ARHGEF4: variants seen among roughly 807,000 people sequenced by gnomAD.
The protein encoded by ARHGEF4 is Rho guanine nucleotide exchange factor 4.
A neutral mutation model predicts 162.0 loss-of-function variants in ARHGEF4; 119 were observed. That is an observed-to-expected ratio of 0.73 (90% CI 0.63 to 0.86). The LOEUF is 0.86. Among genes scored for constraint, ARHGEF4 ranks in the 40% least tolerant of loss-of-function variants. The pLI is 0.00. For synonymous variants in ARHGEF4, 1,014 were observed against 979.9 expected (o/e 1.03, Z -0.65); for missense variants, 2,488 against 2,456.0 (o/e 1.01, Z -0.28).
In ARHGEF4 at chr2:131,029,923, G is replaced by A. The variant is rs142024827; in HGVS notation, c.4125+1839G>A. Among the ~76,000 whole-genome samples, 37 of 152,334 alleles carry A rather than the reference G, an allele frequency of 2.4e-4. No individual in the cohort carries two copies. The East Asian group carries it at 7.0e-3, about 29-fold the overall frequency. Reference sequence around the variant, plus strand: ...GGGCTCGGTCCAGCAGGGGGACCCCGAGGGGGCCTGTCAGATGTGGGGCAT... The same window carrying A: ...GGGCTCGGTCCAGCAGGGGGACCCCAAGGGGGCCTGTCAGATGTGGGGCAT... On this transcript the variant is annotated intron_variant, in intron 5 of 13. Transcript: ENST00000409359.
In ARHGEF4 at chr2:130,899,298, G is replaced by A. The variant is rs962976712; in HGVS notation, c.40-14688G>A. 3.9e-5 allele frequency among the ~76,000 whole-genome samples: 6 copies of A among 152,196 alleles called. No homozygotes were observed. In the South Asian group the frequency reaches 6.2e-4, roughly 16 times the overall value. On this transcript the variant is annotated intron_variant, in intron 1 of 13. Coordinates refer to ENST00000409359, the MANE Select transcript of ARHGEF4 (RefSeq NM_001367493.1). ...CCCACCTCAGTGCCCGTGCCTTCAA[G>A]GATCATGGGGGAATGATAATTGATC...
chr2:130,976,677 T>C (rs1009259360), intron 4 of ARHGEF4, among the ~76,000 whole-genome samples: 1 of 152,026 alleles, frequency 6.6e-6, no homozygotes, highest in African/African-American at 2.4e-5. Context: ...ACTCGACGTG[T>C]AGGATGTGGT....
intron 10 of ARHGEF4, among the ~76,000 whole-genome samples, chr2:131,043,077 T>C (rs1179539995): frequency 2.0e-5 from 3 of 152,054 alleles, no homozygotes; most frequent in African/African-American, 7.3e-5. Flanking sequence ...TAATAATGTT[T>C]CATTTAACTC....
Position 131,046,240 on chromosome 2 carries a change from A to C in ARHGEF4, c.*51A>C, listed in dbSNP as rs756474251. ...CTGGGCCTTCCTGCCAGTGGCCCCC[A>C]GTTTTTCTTCCCCGAGGCCCACTCG... On this transcript the variant is annotated 3_prime_UTR_variant, in exon 14 of 14. Transcript: ENST00000409359. The C allele has an allele frequency of 2.2e-4, 340 of 1,558,488 alleles. 2 individuals carry two copies. The highest frequency in any genetic ancestry group is 3.1e-4 in the Admixed American group (17 of 55,616).
intron 1 of ARHGEF4, among the ~76,000 whole-genome samples, chr2:130,863,883 TCAA>T (rs1020352608): frequency 7.3e-5 from 8 of 108,984 alleles, no homozygotes; most frequent in African/African-American, 2.1e-4. Flanking sequence ...GGAATACTGC[TCAA>T]CAACAAGAGT....
At position 130,936,910 on chromosome 2, in the gene ARHGEF4, T is replaced by C. The variant is rs1378215350; in HGVS notation, c.3858+5653T>C. On this transcript the variant is annotated intron_variant, in intron 3 of 13. Transcript: ENST00000409359. ...TTCTTTTTTTTTTCTTTTTTCTTTT[T>C]TTTTTTTTTTTTTTGAGATGGAGTT... is the stretch of plus-strand genomic sequence containing the variant. 7.8e-5 allele frequency among the ~76,000 whole-genome samples: 11 copies of C among 140,280 alleles called. No homozygotes were observed. The East Asian group carries it at 1.6e-3, about 21-fold the overall frequency. 92.0% of individuals were successfully genotyped at this position (140,280 alleles called of 152,430 possible).
intron 3 of ARHGEF4, among the ~76,000 whole-genome samples, chr2:130,943,791 T>C (rs1683445371): frequency 6.6e-6 from 1 of 152,202 alleles, no homozygotes; most frequent in African/African-American, 2.4e-5. Flanking sequence ...CATTAGATAA[T>C]ATTATAATTT....
intron 5 of ARHGEF4, among the ~76,000 whole-genome samples, chr2:131,032,908 A>G (rs779984589): frequency 3.5e-4 from 50 of 140,886 alleles, no homozygotes; most frequent in Non-Finnish European, 6.4e-4. Flanking sequence ...GCTGGAGTAC[A>G]GAAGCATAAT....
intron 1 of ARHGEF4, among the ~76,000 whole-genome samples, chr2:130,864,771 G>A (rs1351700813): frequency 6.6e-6 from 1 of 152,198 alleles, no homozygotes; most frequent in Non-Finnish European, 1.5e-5. Context: ...GTACAAACAT[G>A]TTCTAAGAGT....
chr2:130,963,697 G>C (rs1285369571), intron 4 of ARHGEF4: 1 of 146,048 alleles, frequency 6.8e-6, no homozygotes, highest in Non-Finnish European at 1.5e-5. Context: ...CCCGCGACCC[G>C]CACTGGGGTC....
At chr2:130,876,325 G>A (rs1210645593) in intron 1 of ARHGEF4, among the ~76,000 whole-genome samples, 2 of 152,230 alleles carry the variant, frequency 1.3e-5, no homozygotes, top group African/African-American at 4.8e-5. Flanking sequence ...CCTAGCTTAT[G>A]GAAATGCCAG....
intron 3 of ARHGEF4, among the ~76,000 whole-genome samples, chr2:130,940,066 T>C (rs1171969898): frequency 6.6e-6 from 1 of 152,170 alleles, no homozygotes; most frequent in African/African-American, 2.4e-5. Context: ...CTTTCTAGTG[T>C]GTATTCTTTT....
intron 4 of ARHGEF4, among the ~76,000 whole-genome samples, chr2:130,956,658 A>T: frequency 6.6e-6 from 1 of 151,994 alleles, no homozygotes; most frequent in Non-Finnish European, 1.5e-5. Flanking sequence ...TGATGAGTTC[A>T]TGTCCTTTGT....
intron 4 of ARHGEF4, among the ~76,000 whole-genome samples, chr2:130,950,233 G>A (rs1013602926): frequency 2.6e-5 from 4 of 152,136 alleles, no homozygotes; most frequent in Non-Finnish European, 4.4e-5. Context: ...TCTTCTCCAC[G>A]TTTGGAAGGG....
In ARHGEF4 at chr2:130,913,913, G is replaced by A. The variant is rs371476077; in HGVS notation, c.40-73G>A. The A allele has an allele frequency of 1.2e-5, 18 of 1,503,538 alleles. No homozygotes were observed. In the East Asian group the frequency reaches 2.2e-4, roughly 19 times the overall value. The allele number at this position is 1,503,538 out of a possible 1,614,324, so 93.1% of individuals were successfully genotyped here. On this transcript the variant is annotated intron_variant, in intron 1 of 13. Transcript: ENST00000409359. ...CTGAGCCTTCCTCCTTCTGGCAAAG[G>A]CAGGCACGGTGTAAACATGTGCACA...
chr2:131,043,770 G>A (rs1292159057), intron 11 of ARHGEF4, 187 bp downstream of exon 11: 1 of 728,920 alleles, frequency 1.4e-6, no homozygotes, highest in Non-Finnish European at 2.2e-6. Context: ...GCAGCAGGCG[G>A]CTTTCACAGT....
rs750693097 is a variant in ARHGEF4 at position 130,915,469 on chromosome 2, C to G, written c.1523C>G (p.Ser508Ter). 1.3e-6 allele frequency: 2 copies of G among 1,550,434 alleles called. No homozygotes were observed. Among genetic ancestry groups the G allele is most frequent in the South Asian group, 2.4e-5 (2 of 84,054 alleles). ...QAGNQTSNYTSKYVLSEESKS... is the reference protein window; with the variant it reads ...QAGNQTSNYT ...GGAAACCAAACCAGTAATTACACATCAAAGTATGTGCTCAGCGAGGAAAGC... is the reference window on the plus strand; with the variant it reads ...GGAAACCAAACCAGTAATTACACATGAAAGTATGTGCTCAGCGAGGAAAGC... The change falls in exon 2 of 14, where the codon TCA (serine) becomes TGA (stop). Residue 508 changes from serine (S) to a stop codon, truncating the protein, a stop_gained. Transcript: ENST00000409359. LOFTEE classifies it high-confidence loss of function.
intron 4 of ARHGEF4, among the ~76,000 whole-genome samples, chr2:131,022,822 T>C (rs1229661240): frequency 6.6e-6 from 1 of 151,646 alleles, no homozygotes; most frequent in Non-Finnish European, 1.5e-5. Context: ...ATTTGAGAAA[T>C]TGAACATTAT....
intron 2 of ARHGEF4, among the ~76,000 whole-genome samples, chr2:130,920,643 G>A (rs1469651921): frequency 6.6e-6 from 1 of 152,196 alleles, no homozygotes; most frequent in Non-Finnish European, 1.5e-5. Flanking sequence ...TGGGAGAGCA[G>A]GCTCTGATGG....
Sources: allele counts gnomAD v4.1 joint callset (sites outside exome capture counted in the v4.1 genomes callset), GRCh38; gene constraint gnomAD v4.1.1; transcripts MANE v1.5; gene names NCBI Gene and HGNC (gene_info 2026-07-23, HGNC 2026-07-21).